Variants in SPAG16 observed in about 807,000 individuals in gnomAD.
The protein encoded by SPAG16 is sperm-associated antigen 16 protein.
Under a neutral mutation model 80.4 loss-of-function variants are expected in SPAG16, and 86 were observed. The observed-to-expected ratio is 1.07, with a 90% CI of 0.90 to 1.28. SPAG16 has a LOEUF of 1.28. SPAG16 is among the 50% of genes most tolerant of loss of function. SPAG16 has a pLI of 0.00. For synonymous variants in SPAG16, 294 were observed against 265.9 expected, an observed-to-expected ratio of 1.11 and a Z score of -1.03; for missense variants, 870 against 765.3, an observed-to-expected ratio of 1.14 and a Z score of -1.61.
intron 12 of SPAG16, among the ~76,000 whole-genome samples, chr2:213,957,799 C>T (rs919822470): frequency 6.6e-6 from 1 of 152,080 alleles, no homozygotes; most frequent in Non-Finnish European, 1.5e-5. Flanking sequence ...ATTTAACATC[C>T]TAAAGTTATA....
At chr2:213,649,234 A>G (rs1323662225) in intron 10 of SPAG16, among the ~76,000 whole-genome samples, 3 of 152,242 alleles carry the variant, frequency 2.0e-5, no homozygotes, top group South Asian at 4.1e-4. Flanking sequence ...AACAGTTGGC[A>G]GGATTGATTA....
chr2:213,786,390 G>C (rs140326457), intron 10 of SPAG16, among the ~76,000 whole-genome samples: 2 of 152,214 alleles, frequency 1.3e-5, no homozygotes, highest in African/African-American at 4.8e-5. Context: ...ACTTTAGTGA[G>C]TATTAGAAGA....
intron 12 of SPAG16, among the ~76,000 whole-genome samples, chr2:213,988,149 C>A: frequency 6.6e-6 from 1 of 151,848 alleles, no homozygotes; most frequent in East Asian, 1.9e-4. Flanking sequence ...TTTAAATAAA[C>A]CAAGATTATT....
chr2:214,224,846 A>T (rs749321230), intron 15 of SPAG16, among the ~76,000 whole-genome samples: 16 of 152,164 alleles, frequency 1.1e-4, no homozygotes, highest in Non-Finnish European at 1.9e-4. Context: ...AACAGAGTAG[A>T]ACTGTCCCTG....
At chr2:213,360,645 C>T (rs2065927309) in intron 7 of SPAG16, among the ~76,000 whole-genome samples, 28 of 152,158 alleles carry the variant, frequency 1.8e-4, no homozygotes, top group Admixed American at 1.8e-3. Flanking sequence ...GCATACTAAT[C>T]AGGTATATCC....
intron 10 of SPAG16, among the ~76,000 whole-genome samples, chr2:213,582,246 T>A (rs1004005228): frequency 6.6e-6 from 1 of 152,152 alleles, no homozygotes; most frequent in African/African-American, 2.4e-5. Context: ...ATATGACATT[T>A]TTTTCCCTAT....
At chr2:213,506,061 T>A (rs1439586877) in intron 10 of SPAG16, among the ~76,000 whole-genome samples, 1 of 152,048 alleles carries the variant, frequency 6.6e-6, no homozygotes, top group African/African-American at 2.4e-5. Context: ...TTGTATTAGA[T>A]ATTTATGGAT....
intron 10 of SPAG16, among the ~76,000 whole-genome samples, chr2:213,698,857 G>A (rs1389234069): frequency 6.6e-6 from 1 of 152,162 alleles, no homozygotes; most frequent in African/African-American, 2.4e-5. Context: ...GAAATAGCAA[G>A]TGATTTACCA....
intron 9 of SPAG16, among the ~76,000 whole-genome samples, chr2:213,446,561 A>T (rs151111111): frequency 6.6e-6 from 1 of 152,338 alleles, no homozygotes; most frequent in African/African-American, 2.4e-5. Context: ...TTAAAAATGA[A>T]CAATAGGTTT....
chr2:213,899,877 A>G (rs2077147400), intron 11 of SPAG16, among the ~76,000 whole-genome samples: 1 of 152,124 alleles, frequency 6.6e-6, no homozygotes, highest in African/African-American at 2.4e-5. Flanking sequence ...TTTAAAAAAT[A>G]TTGACCTGAG....
chr2:213,804,723 A>G (rs1379391686), intron 10 of SPAG16, among the ~76,000 whole-genome samples: 1 of 145,370 alleles, frequency 6.9e-6, no homozygotes. Context: ...CTAACTAACT[A>G]ACTAACTAAG....
chr2:214,009,799 C>T (rs1040612466), intron 12 of SPAG16, among the ~76,000 whole-genome samples: 3 of 152,134 alleles, frequency 2.0e-5, no homozygotes, highest in Non-Finnish European at 4.4e-5. Context: ...GAAGTCAGTG[C>T]CTTTCTCTCC....
At chr2:213,730,485 G>T (rs1170750012) in intron 10 of SPAG16, among the ~76,000 whole-genome samples, 1 of 151,982 alleles carries the variant, frequency 6.6e-6, no homozygotes, top group Admixed American at 6.6e-5. Context: ...AGATTGATAG[G>T]TTTTTCTTTC....
At chr2:213,472,674 A>G (rs1273098644) in intron 9 of SPAG16, among the ~76,000 whole-genome samples, 1 of 152,128 alleles carries the variant, frequency 6.6e-6, no homozygotes, top group African/African-American at 2.4e-5. Flanking sequence ...TATGCCAATT[A>G]TGTGTTCTAG....
At chr2:213,642,291 T>C (rs996390621) in intron 10 of SPAG16, among the ~76,000 whole-genome samples, 1 of 152,212 alleles carries the variant, frequency 6.6e-6, no homozygotes, top group South Asian at 2.1e-4. Context: ...AAGTTCACAA[T>C]GTGAATCTCC....
chr2:213,694,042 C>CAAAAA (rs68152101), intron 10 of SPAG16, among the ~76,000 whole-genome samples: 3,028 of 121,272 alleles, frequency 0.025, 97 homozygotes, highest in African/African-American at 0.09. Context: ...TTATGCAAGA[C>CAAAAA]AAAAAAAAAA....
At chr2:213,306,092 C>T (rs2062926590) in intron 3 of SPAG16, among the ~76,000 whole-genome samples, 1 of 151,950 alleles carries the variant, frequency 6.6e-6, no homozygotes, top group Non-Finnish European at 1.5e-5. Flanking sequence ...AGGAATTTAT[C>T]CATTTCTTCT....
intron 10 of SPAG16, among the ~76,000 whole-genome samples, chr2:213,532,435 A>G (rs985413097): frequency 6.6e-6 from 1 of 151,648 alleles, no homozygotes; most frequent in Admixed American, 6.6e-5. Flanking sequence ...ATTTCTTGAA[A>G]GTTTCTCTTC....
Position 213,910,773 on chromosome 2 carries a change from C to T in SPAG16, c.1215-19187C>T, listed in dbSNP as rs528470804. On this transcript the variant is annotated intron_variant, in intron 11 of 15. Transcript: ENST00000331683. ...AAAGTGCTGGGATTACAGGCGTGAG[C>T]CACCACGCCCGGCCAAGAATTCTTT... Among the ~76,000 whole-genome samples the T allele has an allele frequency of 6.7e-5, 2 of 29,798 alleles. 1 individual carries two copies. The highest frequency in any genetic ancestry group is 2.0e-3 in the East Asian group (2 of 1,018). 19.5% of individuals were successfully genotyped at this position (29,798 alleles called of 152,430 possible).
Sources: allele counts gnomAD v4.1 joint callset (sites outside exome capture counted in the v4.1 genomes callset), GRCh38; gene constraint gnomAD v4.1.1; transcripts MANE v1.5; gene names NCBI Gene and HGNC (gene_info 2026-07-23, HGNC 2026-07-21).